The following DHRS7B variants were observed in gnomAD, a reference collection of about 807,000 sequenced individuals.
DHRS7B encodes the protein peroxisomal reductase activating PPAR-gamma.
A neutral mutation model predicts 26.4 loss-of-function variants in DHRS7B; 24 were observed. The observed-to-expected ratio is 0.91, with a 90% CI of 0.66 to 1.28. DHRS7B has a LOEUF of 1.28. DHRS7B is among the 50% of genes most tolerant of loss of function. The pLI is 0.00. For synonymous variants in DHRS7B, 142 were observed against 166.4 expected (o/e 0.85, Z 1.13); for missense variants, 368 against 419.4 (o/e 0.88, Z 1.07).
chr17:21,141,573 T>A (rs1973510021), intron 1 of DHRS7B, among the ~76,000 whole-genome samples: 1 of 129,194 alleles, frequency 7.7e-6, no homozygotes, highest in Non-Finnish European at 1.5e-5. Flanking sequence ...GTTACTTACC[T>A]AGGGATGAGT....
intron 1 of DHRS7B, among the ~76,000 whole-genome samples, chr17:21,136,955 AT>A (rs1417343327): frequency 6.6e-6 from 1 of 151,252 alleles, no homozygotes; most frequent in Non-Finnish European, 1.5e-5. Context: ...GGCTTTTAAA[AT>A]TTTTTTTATT....
intron 1 of DHRS7B, among the ~76,000 whole-genome samples, chr17:21,146,547 G>A (rs1263289336): frequency 2.0e-5 from 3 of 152,172 alleles, no homozygotes; most frequent in Middle Eastern, 3.2e-3. Context: ...CACTCACTTA[G>A]TATGATGTTG....
At chr17:21,144,062 C>T (rs1367299847) in intron 1 of DHRS7B, among the ~76,000 whole-genome samples, 1 of 152,174 alleles carries the variant, frequency 6.6e-6, no homozygotes, top group East Asian at 1.9e-4. Flanking sequence ...CCAGACAATT[C>T]TGGGCTTTCT....
rs897382860 is a variant in DHRS7B, at chr17:21,174,973, G to A, written c.199+2777G>A. On this transcript the variant is annotated intron_variant, in intron 2 of 6. Coordinates refer to ENST00000395511, the MANE Select transcript of DHRS7B (RefSeq NM_015510.5). Reference sequence around the variant, plus strand: ...CGCTGGGACCAGGCCTCACTACCCAGGGTGGGTGCTCTCTCCGGGCTTTTG... The same window carrying A: ...CGCTGGGACCAGGCCTCACTACCCAAGGTGGGTGCTCTCTCCGGGCTTTTG... 8.5e-5 allele frequency among the ~76,000 whole-genome samples: 13 copies of A among 152,346 alleles called. No individual in the cohort carries two copies. In the East Asian group the frequency reaches 2.5e-3, roughly 29 times the overall value.
intron 1 of DHRS7B, among the ~76,000 whole-genome samples, chr17:21,141,682 C>CCATCAT (rs1293843283): frequency 6.8e-6 from 1 of 146,726 alleles, no homozygotes; most frequent in African/African-American, 2.5e-5. Flanking sequence ...CTACTGCCTT[C>CCATCAT]CATCATTATG....
intron 1 of DHRS7B, among the ~76,000 whole-genome samples, chr17:21,162,030 T>C (rs549524663): frequency 6.6e-6 from 1 of 151,598 alleles, no homozygotes; most frequent in African/African-American, 2.4e-5. Flanking sequence ...TAAAAATAAC[T>C]TGGAATTCAG....
At chr17:21,167,304 G>A (rs9892923) in intron 1 of DHRS7B, among the ~76,000 whole-genome samples, 3,055 of 152,218 alleles carry the variant, frequency 0.02, 93 homozygotes, top group African/African-American at 0.07. Context: ...CTGGCTGCCC[G>A]GGCCCAAGGA....
intron 1 of DHRS7B, among the ~76,000 whole-genome samples, chr17:21,145,275 G>A (rs558671167): frequency 6.6e-6 from 1 of 152,076 alleles, no homozygotes; most frequent in South Asian, 2.1e-4. Context: ...AGTAAGCCGG[G>A]ATCGCGCCAC....
chr17:21,145,600 T>C (rs2035255), intron 1 of DHRS7B, among the ~76,000 whole-genome samples: 56,462 of 152,076 alleles, frequency 0.37, 10,521 homozygotes, highest in Middle Eastern at 0.43. Flanking sequence ...TCCCAACTTA[T>C]GATGGTTCTA....
intron 1 of DHRS7B, among the ~76,000 whole-genome samples, chr17:21,154,133 A>G (rs1399303048): frequency 1.5e-4 from 23 of 152,034 alleles, no homozygotes; most frequent in Non-Finnish European, 4.4e-5. Context: ...AACATGGTGA[A>G]ACCCTGTCTC....
chr17:21,132,348 A>AAAAAATAT (rs1491147235), intron 1 of DHRS7B, among the ~76,000 whole-genome samples: 6 of 125,020 alleles, frequency 4.8e-5, no homozygotes, highest in African/African-American at 1.8e-4. Flanking sequence ...AAAAAAAAAA[A>AAAAAATAT]ATATATATAT....
intron 1 of DHRS7B, among the ~76,000 whole-genome samples, chr17:21,141,439 A>G (rs1465026480): frequency 6.6e-6 from 1 of 152,050 alleles, no homozygotes; most frequent in Non-Finnish European, 1.5e-5. Flanking sequence ...TCAGACAGGA[A>G]CAAATAGCAA....
At chr17:21,152,703 CTA>C (rs1973798475) in intron 1 of DHRS7B, among the ~76,000 whole-genome samples, 1 of 152,178 alleles carries the variant, frequency 6.6e-6, no homozygotes, top group Non-Finnish European at 1.5e-5. Flanking sequence ...TCAGGAGAAA[CTA>C]TTTTACCAGA....
chr17:21,138,101 T>TATACACACAC (rs1555536219), intron 1 of DHRS7B, among the ~76,000 whole-genome samples: 9 of 86,110 alleles, frequency 1.0e-4, no homozygotes, highest in African/African-American at 5.1e-4. Flanking sequence ...TATATATATA[T>TATACACACAC]ACACACACAC....
chr17:21,170,449 T>A (rs1480537072), intron 1 of DHRS7B, among the ~76,000 whole-genome samples: 1 of 152,188 alleles, frequency 6.6e-6, no homozygotes, highest in African/African-American at 2.4e-5. Flanking sequence ...GATACCACCT[T>A]AATCCCCAGT....
intron 3 of DHRS7B, among the ~76,000 whole-genome samples, chr17:21,179,777 T>C (rs1437831661): frequency 7.5e-6 from 1 of 133,992 alleles, no homozygotes; most frequent in African/African-American, 2.6e-5. Flanking sequence ...TTTTTTTTTT[T>C]CTTTTTGAGA....
chr17:21,171,860 G>A (rs1261515935), intron 1 of DHRS7B, 158 bp from the exon 2 acceptor site: 14 of 875,618 alleles, frequency 1.6e-5, no homozygotes, highest in South Asian at 5.6e-5. Context: ...CTGAACAGTC[G>A]GCCGAGGGTG....
At chr17:21,158,350 T>C (rs1203279502) in intron 1 of DHRS7B, among the ~76,000 whole-genome samples, 3 of 152,222 alleles carry the variant, frequency 2.0e-5, no homozygotes, top group Non-Finnish European at 4.4e-5. Context: ...AATGAAAATG[T>C]ATTTGTTCAC....
rs574208845 is a variant in DHRS7B at position 21,176,536 on chromosome 17, G to A, written c.200-1697G>A. Among the ~76,000 whole-genome samples the A allele has an allele frequency of 1.1e-4, 16 of 152,102 alleles. 1 individual carries two copies. The South Asian group carries it at 3.3e-3, about 32-fold the overall frequency. The stretch of plus-strand genomic sequence containing the variant: ...GGATCACTGGAACCCAGGAGTTCGA[G>A]GCTACAGTGAACTATAATTGTGCCA... On this transcript the variant is annotated intron_variant, in intron 2 of 6. Coordinates refer to ENST00000395511, the MANE Select transcript of DHRS7B (RefSeq NM_015510.5).
Sources: allele counts gnomAD v4.1 joint callset (sites outside exome capture counted in the v4.1 genomes callset), GRCh38; gene constraint gnomAD v4.1.1; transcripts MANE v1.5; gene names NCBI Gene and HGNC (gene_info 2026-07-23, HGNC 2026-07-21).